The following SGPP1 variants were observed in gnomAD, a reference collection of about 807,000 sequenced individuals.
SGPP1 encodes sphingosine-1-phosphate phosphatase 1, also known as hSPP1.
Under a neutral mutation model 33.0 loss-of-function variants are expected in SGPP1, and 21 were observed. The observed-to-expected ratio is 0.64, with a 90% CI of 0.45 to 0.92. The LOEUF is 0.92. Ranked by LOEUF, SGPP1 falls within the 40% of genes least tolerant of loss-of-function variation. The pLI is 0.00. For missense variants in SGPP1, 543 were observed against 589.4 expected, an observed-to-expected ratio of 0.92 and a Z score of 0.81; for synonymous variants, 239 against 241.2, an observed-to-expected ratio of 0.99 and a Z score of 0.08.
chr14:63,691,955 AAG>A (rs1885101459), intron 2 of SGPP1, among the ~76,000 whole-genome samples: 1 of 152,184 alleles, frequency 6.6e-6, no homozygotes, highest in Non-Finnish European at 1.5e-5. Flanking sequence ...CAAAAAGAGA[AAG>A]AAAAAAAAAG....
chr14:63,691,353 T>C (rs932506320), intron 2 of SGPP1, among the ~76,000 whole-genome samples: 43 of 152,232 alleles, frequency 2.8e-4, no homozygotes, highest in African/African-American at 1.0e-3. Flanking sequence ...TAAGTTTCAT[T>C]TAATGCCAGA....
chr14:63,687,493 G>T (rs1885003600), intron 2 of SGPP1, among the ~76,000 whole-genome samples: 1 of 152,158 alleles, frequency 6.6e-6, no homozygotes. Flanking sequence ...TGAATCTTAT[G>T]AAGAAACTAA....
intron 1 of SGPP1, among the ~76,000 whole-genome samples, chr14:63,719,604 A>G (rs1227799638): frequency 6.6e-6 from 1 of 151,766 alleles, no homozygotes; most frequent in Non-Finnish European, 1.5e-5. Flanking sequence ...CTGGGAAAAT[A>G]AATAAATAAA....
intron 1 of SGPP1, among the ~76,000 whole-genome samples, chr14:63,713,019 T>G (rs1885556565): frequency 6.6e-6 from 1 of 152,008 alleles, no homozygotes; most frequent in Admixed American, 6.6e-5. Context: ...CCCAAAGTTC[T>G]GGGATTACAG....
intron 1 of SGPP1, among the ~76,000 whole-genome samples, chr14:63,702,022 T>C (rs950552167): frequency 6.7e-6 from 1 of 148,310 alleles, no homozygotes; most frequent in Non-Finnish European, 1.5e-5. Flanking sequence ...TATAAGGAAG[T>C]AGAAATGTAC....
Position 63,728,014 on chromosome 14 carries a change from A to T in SGPP1, c.-70T>A. The stretch of plus-strand genomic sequence containing the variant: ...CCGAACTGTCCCCGCGCTCCTGGCC[A>T]GCGGCAGCGGAACCGGCACAGCGCT... On this transcript the variant is annotated 5_prime_UTR_variant, in exon 1 of 3. Transcript: ENST00000247225. The T allele has an allele frequency of 7.0e-7, 1 of 1,426,884 alleles. No homozygotes were observed. The allele number at this position is 1,426,884 out of a possible 1,614,324, so 88.4% of individuals were successfully genotyped here. A position where few individuals can be genotyped will look rare whatever the true frequency, so the allele number is the denominator to read the frequency against.
At chr14:63,722,400 G>T (rs1483764605) in intron 1 of SGPP1, among the ~76,000 whole-genome samples, 3 of 150,606 alleles carry the variant, frequency 2.0e-5, no homozygotes, top group Non-Finnish European at 4.4e-5. Flanking sequence ...GCGTGGTGGG[G>T]CGTGCCTGTA....
At chr14:63,709,372 CT>C (rs1382273991) in intron 1 of SGPP1, among the ~76,000 whole-genome samples, 2 of 144,680 alleles carry the variant, frequency 1.4e-5, no homozygotes, top group African/African-American at 5.1e-5. Flanking sequence ...GAGTCTCTGT[CT>C]CAAAAAAAAA....
chr14:63,694,517 C>T (rs1051698591), intron 2 of SGPP1, among the ~76,000 whole-genome samples: 3 of 151,948 alleles, frequency 2.0e-5, no homozygotes, highest in Non-Finnish European at 4.4e-5. Flanking sequence ...TGCTACGAAA[C>T]TAGACAAATC....
chr14:63,699,178 C>T (rs1430253929), intron 1 of SGPP1, among the ~76,000 whole-genome samples: 1 of 152,194 alleles, frequency 6.6e-6, no homozygotes, highest in Non-Finnish European at 1.5e-5. Flanking sequence ...TTCACTTCCA[C>T]CCCATTGACT....
intron 2 of SGPP1, among the ~76,000 whole-genome samples, chr14:63,692,761 T>C (rs889535676): frequency 1.3e-5 from 2 of 152,200 alleles, no homozygotes; most frequent in Admixed American, 6.5e-5. Context: ...CTCAACACTT[T>C]TTTTTTGAAC....
intron 1 of SGPP1, among the ~76,000 whole-genome samples, chr14:63,701,943 AG>A (rs1346971940): frequency 6.9e-6 from 1 of 145,980 alleles, no homozygotes; most frequent in Non-Finnish European, 1.5e-5. Context: ...AAGAACCAAA[AG>A]AAGTAAAAAA....
chr14:63,693,104 AT>A (rs199507236), intron 2 of SGPP1, among the ~76,000 whole-genome samples: 38 of 151,284 alleles, frequency 2.5e-4, no homozygotes, highest in Non-Finnish European at 1.0e-4. Context: ...AACTTCTTGT[AT>A]TTTTTTTTAT....
chr14:63,703,545 T>G (rs1263516302), intron 1 of SGPP1, among the ~76,000 whole-genome samples: 1 of 148,996 alleles, frequency 6.7e-6, no homozygotes, highest in Non-Finnish European at 1.5e-5. Flanking sequence ...CCCAGCTACT[T>G]GGGAGGCTGA....
chr14:63,687,597 C>G (rs967999996), intron 2 of SGPP1, among the ~76,000 whole-genome samples: 1 of 152,188 alleles, frequency 6.6e-6, no homozygotes, highest in African/African-American at 2.4e-5. Flanking sequence ...GAGCACAGAT[C>G]TGATTCTAAA....
chr14:63,713,031 C>A (rs1885556659), intron 1 of SGPP1, among the ~76,000 whole-genome samples: 1 of 152,052 alleles, frequency 6.6e-6, no homozygotes, highest in Non-Finnish European at 1.5e-5. Flanking sequence ...GGATTACAGA[C>A]CTGCACCACT....
At chr14:63,705,202 T>A (rs570801189) in intron 1 of SGPP1, among the ~76,000 whole-genome samples, 1 of 148,942 alleles carries the variant, frequency 6.7e-6, no homozygotes, top group African/African-American at 2.5e-5. Flanking sequence ...AAAGACAGTT[T>A]ACTAAATGGG....
chr14:63,692,257 A>G (rs1456942545), intron 2 of SGPP1, among the ~76,000 whole-genome samples: 3 of 152,274 alleles, frequency 2.0e-5, no homozygotes, highest in African/African-American at 7.2e-5. Context: ...TTTCCCTTTC[A>G]AAAGTGTGCA....
Position 63,700,532 on chromosome 14 carries a change from T to A in SGPP1, c.685-1874A>T, listed in dbSNP as rs116577494. ...TAAATATTCCTTGGGAGAATAATTA[T>A]ATTCTTTTCTGGGAGTATAAGTTCC... On this transcript the variant is annotated intron_variant, in intron 1 of 2. Coordinates refer to ENST00000247225, the MANE Select transcript of SGPP1 (RefSeq NM_030791.4). Among the ~76,000 whole-genome samples, 1,142 of 152,340 alleles carry A rather than the reference T, an allele frequency of 7.5e-3. 13 individuals carry two copies. The highest frequency in any genetic ancestry group is 0.026 in the African/African-American group (1,093 of 41,576).
Sources: gnomAD v4.1 joint callset for allele counts (sites outside exome capture counted in the v4.1 genomes callset) on GRCh38, gnomAD v4.1.1 for gene constraint, MANE v1.5 for transcripts, NCBI Gene and HGNC (gene_info 2026-07-23, HGNC 2026-07-21) for gene names.